Variants in VWA5A observed in about 807,000 individuals in gnomAD.
The protein encoded by VWA5A is von Willebrand factor A domain-containing protein 5A.
A neutral mutation model predicts 84.6 loss-of-function variants in VWA5A; 77 were observed. The ratio of observed to expected loss-of-function variants is 0.91; its 90% CI spans 0.76 to 1.10. VWA5A has a LOEUF of 1.10. Ranked by LOEUF, VWA5A falls within the 50% of genes least tolerant of loss-of-function variation. The pLI is 0.00. For missense variants in VWA5A, 973 were observed against 963.0 expected, an observed-to-expected ratio of 1.01 and a Z score of -0.14; for synonymous variants, 334 against 350.1, an observed-to-expected ratio of 0.95 and a Z score of 0.51.
chr11:124,128,090 G>A (rs1012543766), intron 11 of VWA5A, among the ~76,000 whole-genome samples: 2 of 152,122 alleles, frequency 1.3e-5, no homozygotes, highest in East Asian at 3.9e-4. Flanking sequence ...ATTTGCCCAT[G>A]CCTATGTCCT....
chr11:124,123,447 T>G lies in VWA5A; in HGVS notation c.1012T>G (p.Cys338Gly). 6.2e-7 allele frequency: 1 copy of G among 1,614,024 alleles called. No homozygotes were observed. The highest frequency in any genetic ancestry group is 1.6e-4 in the Middle Eastern group (1 of 6,062). ...TGGATTTGGCTCTTCCTATGAGGCA[T>G]GCTTTCCGTAAGTTTCTGGAAAGAC... ...IYGFGSSYEA[C>G]FPESVKYTQQ... The change falls in exon 9 of 19, where the codon TGC becomes GGC. Residue 338 changes from cysteine (C) to glycine (G), a missense_variant. Transcript: ENST00000456829.
intron 11 of VWA5A, among the ~76,000 whole-genome samples, chr11:124,127,500 G>T (rs1440465549): frequency 6.6e-6 from 1 of 152,160 alleles, no homozygotes; most frequent in Non-Finnish European, 1.5e-5. Context: ...CTTTATAGTA[G>T]AATGATTTAT....
chr11:124,120,851 C>A (rs1194975144), intron 7 of VWA5A, among the ~76,000 whole-genome samples: 1 of 152,194 alleles, frequency 6.6e-6, no homozygotes, highest in African/African-American at 2.4e-5. Context: ...AATGTTGGAT[C>A]TCAAAAGGTA....
intron 15 of VWA5A, among the ~76,000 whole-genome samples, chr11:124,138,240 A>T (rs2137660292): frequency 6.6e-6 from 1 of 152,266 alleles, no homozygotes; most frequent in South Asian, 2.1e-4. Context: ...TGATTCCATG[A>T]CTTGGCTATT....
intron 11 of VWA5A, 109 bp from the exon 12 acceptor site, chr11:124,134,811 T>G: frequency 1.4e-6 from 1 of 728,674 alleles, no homozygotes; most frequent in Non-Finnish European, 2.2e-6. Flanking sequence ...GTTACACTTT[T>G]GGTCAAGAAA....
intron 13 of VWA5A, 50 bp from the exon 14 acceptor site, chr11:124,136,524 T>G: frequency 6.4e-7 from 1 of 1,555,172 alleles, no homozygotes; most frequent in Non-Finnish European, 8.9e-7. Context: ...CTTCCATGGA[T>G]GATCAGAACA....
At chr11:124,120,129 T>C (rs1266921972) in intron 7 of VWA5A, among the ~76,000 whole-genome samples, 1 of 152,198 alleles carries the variant, frequency 6.6e-6, no homozygotes, top group Non-Finnish European at 1.5e-5. Flanking sequence ...TCCAAAACTT[T>C]TTTGTTTTGC....
intron 12 of VWA5A, 93 bp from the exon 13 acceptor site, chr11:124,136,036 T>C (rs1865175882): frequency 1.4e-6 from 2 of 1,387,412 alleles, no homozygotes. Flanking sequence ...ACATGTATTA[T>C]GTATCACATC....
rs1467426907 is a variant in VWA5A at position 124,118,250 on chromosome 11, A to T, written c.308A>T (p.Asp103Val). ...QGHQAFLLEG[D>V]SSSRDVFSCN... ...CACCAGGCCTTCTTATTGGAGGGGG[A>T]CAGCAGCTCCAGGGATGTCTTCTCT... Residue 103 changes from aspartate (D) to valine (V), a missense_variant, in exon 5 of 19, where the codon GAC becomes GTC. By Grantham distance (152) the Asp-to-Val change is radical. Transcript: ENST00000456829. 5 of 1,614,092 alleles carry T rather than the reference A, an allele frequency of 3.1e-6. No individual in the cohort carries two copies. Among genetic ancestry groups the T allele is most frequent in the Non-Finnish European group, 4.2e-6 (5 of 1,180,022 alleles).
chr11:124,130,724 A>G (rs1234127659), intron 11 of VWA5A, among the ~76,000 whole-genome samples: 1 of 152,164 alleles, frequency 6.6e-6, no homozygotes, highest in Non-Finnish European at 1.5e-5. Flanking sequence ...TCCCTTTACC[A>G]TTATGTAATG....
intron 14 of VWA5A, 32 bp downstream of exon 14, chr11:124,136,706 T>A (rs555964406): frequency 1.0e-6 from 1 of 953,062 alleles, no homozygotes; most frequent in Non-Finnish European, 1.6e-6. Flanking sequence ...CCTTCCTTCC[T>A]TCCTTCCTTC....
intron 10 of VWA5A, 37 bp downstream of exon 10, chr11:124,123,841 A>C (rs1269145632): frequency 1.3e-6 from 2 of 1,529,228 alleles, no homozygotes; most frequent in Admixed American, 4.6e-5. Context: ...AGAGACAGGA[A>C]GTGTGAAATC....
At chr11:124,127,223 G>A (rs1865031939) in intron 11 of VWA5A, among the ~76,000 whole-genome samples, 1 of 151,274 alleles carries the variant, frequency 6.6e-6, no homozygotes, top group South Asian at 2.1e-4. Context: ...GTGTCCATGT[G>A]TTCTCATTGT....
At chr11:124,136,994 C>CTT (rs371615800) in intron 14 of VWA5A, 21 bp from the exon 15 acceptor site, 11 of 1,294,870 alleles carry the variant, frequency 8.5e-6, no homozygotes, top group Admixed American at 2.0e-5. Context: ...CATTTCAGTA[C>CTT]TTTTTTTTTT....
Position 124,137,076 on chromosome 11 carries a change from G to C in VWA5A, c.1687G>C (p.Glu563Gln). 1 of 1,613,518 alleles carries C rather than the reference G, an allele frequency of 6.2e-7. No individual in the cohort carries two copies. ...LLQTKDMGLRETPASDKKDAL... is the reference protein window; with the variant it reads ...LLQTKDMGLRQTPASDKKDAL... ...CCAGACCAAGGACATGGGCCTCAGG[G>C]AGACTCCAGCAAGTGATAAAAAAGA... is the stretch of plus-strand genomic sequence containing the variant. The change falls in exon 15 of 19, where the codon GAG (glutamate) becomes CAG (glutamine). Residue 563 changes from glutamate to glutamine, a missense_variant. Glu to Gln is a conservative substitution (Grantham distance 29, BLOSUM62 2). Coordinates refer to ENST00000456829, the MANE Select transcript of VWA5A (RefSeq NM_001130142.2).
chr11:124,131,617 C>T (rs1012972471), intron 11 of VWA5A, among the ~76,000 whole-genome samples: 3 of 151,470 alleles, frequency 2.0e-5, no homozygotes, highest in African/African-American at 7.3e-5. Context: ...TGTTTATTTC[C>T]ATATAGAAAT....
At chr11:124,145,783 A>G in intron 18 of VWA5A, 83 bp from the exon 19 acceptor site, 1 of 1,395,106 alleles carries the variant, frequency 7.2e-7, no homozygotes, top group African/African-American at 1.4e-5. Flanking sequence ...TAAAAGCACA[A>G]CTCAGGGTAG....
intron 15 of VWA5A, among the ~76,000 whole-genome samples, chr11:124,141,097 T>C (rs957535762): frequency 1.3e-5 from 2 of 152,218 alleles, no homozygotes; most frequent in Non-Finnish European, 2.9e-5. Flanking sequence ...GTCTATGGTC[T>C]AGTTTTCAGA....
chr11:124,137,037 G>T lies in VWA5A; in HGVS notation c.1648G>T (p.Ala550Ser). The T allele has an allele frequency of 1.9e-6, 3 of 1,606,278 alleles. No homozygotes were observed. Among genetic ancestry groups the T allele is most frequent in the Non-Finnish European group, 2.5e-6 (3 of 1,177,042 alleles). The change falls in exon 15 of 19, where the codon GCC (alanine) becomes TCC (serine). Residue 550 changes from alanine (A) to serine (S), a missense_variant. Ala to Ser is a moderately conservative substitution (Grantham distance 99, BLOSUM62 1). Transcript: ENST00000456829. ...DVNLTIHRLA[A>S]KSLLQTKDMG... ...CAGCCTCACCATTCACCGCCTTGCT[G>T]CCAAGTCCTTGCTCCAGACCAAGGA...
Sources: allele counts gnomAD v4.1 joint callset (sites outside exome capture counted in the v4.1 genomes callset), GRCh38; gene constraint gnomAD v4.1.1; transcripts MANE v1.5; gene names NCBI Gene and HGNC (gene_info 2026-07-23, HGNC 2026-07-21).